DMXL1: variants seen among roughly 807,000 people sequenced by gnomAD.
DMXL1 encodes the protein dmX-like protein 1.
DMXL1 carries 99 observed loss-of-function variants against 319.2 expected under a neutral mutation model. That is an observed-to-expected ratio of 0.31 (90% CI 0.26 to 0.37). The LOEUF is 0.37. DMXL1 is among the 10% of genes least tolerant of loss of function. DMXL1 has a pLI of 1.00. For missense variants in DMXL1, 3,745 were observed against 3,595.6 expected (o/e 1.04, Z -1.06); for synonymous variants, 1,385 against 1,235.2 (o/e 1.12, Z -2.54).
intron 35 of DMXL1, among the ~76,000 whole-genome samples, chr5:119,218,575 G>A: frequency 6.6e-6 from 1 of 152,126 alleles, no homozygotes; most frequent in East Asian, 1.9e-4. Context: ...TCCTGCCTCA[G>A]CCTCCCAAGT....
chr5:119,078,334 C>G (rs1751452907), intron 1 of DMXL1, among the ~76,000 whole-genome samples: 1 of 152,164 alleles, frequency 6.6e-6, no homozygotes, highest in African/African-American at 2.4e-5. Flanking sequence ...AACATTGAAA[C>G]TGGAGATTTA....
chr5:119,207,756 A>G (rs954397019), intron 34 of DMXL1, among the ~76,000 whole-genome samples: 11 of 152,292 alleles, frequency 7.2e-5, no homozygotes, highest in Middle Eastern at 3.4e-3. Flanking sequence ...TCCTGACCTC[A>G]GGTGATCCAC....
At chr5:119,077,377 C>T (rs1751115389) in intron 1 of DMXL1, among the ~76,000 whole-genome samples, 2 of 151,484 alleles carry the variant, frequency 1.3e-5, no homozygotes, top group African/African-American at 4.9e-5. Context: ...GTCAGGGCAC[C>T]TTGAAATGAG....
intron 40 of DMXL1, among the ~76,000 whole-genome samples, chr5:119,238,154 T>C (rs920159152): frequency 6.6e-6 from 1 of 152,026 alleles, no homozygotes; most frequent in African/African-American, 2.4e-5. Context: ...GACTGTTTTT[T>C]TTAACTTTTA....
intron 1 of DMXL1, among the ~76,000 whole-genome samples, chr5:119,088,422 T>A (rs1753850954): frequency 6.6e-6 from 1 of 152,164 alleles, no homozygotes; most frequent in South Asian, 2.1e-4. Flanking sequence ...TGCCTTCTAA[T>A]GGGAGAATAA....
intron 13 of DMXL1, among the ~76,000 whole-genome samples, chr5:119,140,011 C>G (rs1325449350): frequency 1.9e-4 from 29 of 152,100 alleles, no homozygotes; most frequent in Non-Finnish European, 1.5e-5. Context: ...AAACATGCTC[C>G]TGAATGACTT....
At chr5:119,180,756 A>C (rs1447501652) in intron 28 of DMXL1, among the ~76,000 whole-genome samples, 1 of 152,146 alleles carries the variant, frequency 6.6e-6, no homozygotes, top group Admixed American at 6.5e-5. Flanking sequence ...AAAAACTTTC[A>C]AAGTCTAAGG....
intron 38 of DMXL1, among the ~76,000 whole-genome samples, chr5:119,232,982 A>G (rs1435878958): frequency 6.6e-6 from 1 of 151,874 alleles, no homozygotes; most frequent in Non-Finnish European, 1.5e-5. Context: ...ACACATTAAT[A>G]GTATAATAAG....
chr5:119,186,109 C>G (rs1183851960), intron 28 of DMXL1, among the ~76,000 whole-genome samples: 1 of 152,154 alleles, frequency 6.6e-6, no homozygotes. Context: ...TGACTTTTAT[C>G]TTTTCCATAT....
chr5:119,110,366 C>A, intron 5 of DMXL1, 83 bp downstream of exon 5: 1 of 1,240,476 alleles, frequency 8.1e-7, no homozygotes, highest in Non-Finnish European at 1.1e-6. Context: ...TTGTGTAAAA[C>A]CACACTGACA....
At chr5:119,199,741 A>T (rs899167846) in intron 32 of DMXL1, among the ~76,000 whole-genome samples, 1 of 152,064 alleles carries the variant, frequency 6.6e-6, no homozygotes, top group African/African-American at 2.4e-5. Flanking sequence ...ATTTTTTATA[A>T]ATAATCTGTT....
intron 35 of DMXL1, among the ~76,000 whole-genome samples, chr5:119,219,110 A>G (rs993386918): frequency 6.6e-6 from 1 of 152,210 alleles, no homozygotes; most frequent in South Asian, 2.1e-4. Flanking sequence ...CAATAACCAG[A>G]AAATCAGCAC....
At chr5:119,087,468 A>C (rs576719355) in intron 1 of DMXL1, among the ~76,000 whole-genome samples, 2 of 152,260 alleles carry the variant, frequency 1.3e-5, no homozygotes, top group African/African-American at 4.8e-5. Context: ...TGAAGTTTCC[A>C]AGGGTTTTCT....
At chr5:119,082,040 C>T (rs1489580602) in intron 1 of DMXL1, among the ~76,000 whole-genome samples, 7 of 148,150 alleles carry the variant, frequency 4.7e-5, no homozygotes, top group South Asian at 2.1e-4. Flanking sequence ...CACACACACA[C>T]ACACACACAC....
At chr5:119,196,501 C>G (rs1056064680) in intron 31 of DMXL1, 45 bp downstream of exon 31, 2 of 1,085,282 alleles carry the variant, frequency 1.8e-6, no homozygotes, top group African/African-American at 3.2e-5. Flanking sequence ...TTGCTTTTGA[C>G]TTACTACTCT....
In DMXL1 at chr5:119,071,254, G is replaced by C. The variant is rs1036118546; in HGVS notation, c.-316G>C. On this transcript the variant is annotated 5_prime_UTR_variant, in exon 1 of 44. Transcript: ENST00000539542. ...GTGTGTGGACAGCGCGGCCTTCCTG[G>C]CCGGTGAGTCGGCCCCGGGTCGTGG... 2 of 359,828 alleles carry C rather than the reference G, an allele frequency of 5.6e-6. No individual in the cohort carries two copies. The highest frequency in any genetic ancestry group is 2.2e-5 in the African/African-American group (1 of 44,684). The allele number at this position is 359,828 out of a possible 1,614,324, so 22.3% of individuals were successfully genotyped here. A position where few individuals can be genotyped will look rare whatever the true frequency, so the allele number is the denominator to read the frequency against.
intron 19 of DMXL1, among the ~76,000 whole-genome samples, chr5:119,152,975 GT>G (rs796584778): frequency 2.1e-4 from 31 of 145,334 alleles, no homozygotes; most frequent in Middle Eastern, 3.6e-3. Context: ...ATTCTTTTTA[GT>G]TTTTTTTTTT....
At chr5:119,175,473 C>G (rs1775620257) in intron 26 of DMXL1, 136 bp downstream of exon 26, 2 of 597,526 alleles carry the variant, frequency 3.3e-6, no homozygotes, top group Non-Finnish European at 5.5e-6. Context: ...GTTTTGAGTA[C>G]TTTTTGTTCA....
intron 5 of DMXL1, among the ~76,000 whole-genome samples, chr5:119,111,894 TATCTA>T (rs1257256524): frequency 6.6e-6 from 1 of 152,220 alleles, no homozygotes; most frequent in Non-Finnish European, 1.5e-5. Context: ...GGATGAATGT[TATCTA>T]ATAGTGTTTA....
Sources: allele counts gnomAD v4.1 joint callset (sites outside exome capture counted in the v4.1 genomes callset), GRCh38; gene constraint gnomAD v4.1.1; transcripts MANE v1.5; gene names NCBI Gene and HGNC (gene_info 2026-07-23, HGNC 2026-07-21).